THSD4: variants seen among roughly 807,000 people sequenced by gnomAD.
The protein encoded by THSD4 is thrombospondin type-1 domain-containing protein 4.
A neutral mutation model predicts 119.0 loss-of-function variants in THSD4; 69 were observed. The ratio of observed to expected loss-of-function variants is 0.58; its 90% CI spans 0.48 to 0.71. The LOEUF (loss-of-function observed/expected upper bound fraction) is 0.71. Ranked by LOEUF, THSD4 falls within the 30% of genes least tolerant of loss-of-function variation. THSD4 has a pLI of 0.00. For missense variants in THSD4, 1,393 were observed against 1,391.1 expected (o/e 1.00, Z -0.02); for synonymous variants, 524 against 540.4 (o/e 0.97, Z 0.42).
intron 3 of THSD4, among the ~76,000 whole-genome samples, chr15:71,195,578 G>A (rs1244942107): frequency 6.6e-6 from 1 of 152,168 alleles, no homozygotes; most frequent in Admixed American, 6.5e-5. Flanking sequence ...CAGTTAAAAA[G>A]GCAGGTTGAG....
chr15:71,402,413 T>C (rs988216504), intron 6 of THSD4, among the ~76,000 whole-genome samples: 1 of 152,156 alleles, frequency 6.6e-6, no homozygotes, highest in East Asian at 1.9e-4. Flanking sequence ...CCATGTGATA[T>C]ACTCCCTTAG....
At chr15:71,337,794 T>G (rs1392880182) in intron 6 of THSD4, among the ~76,000 whole-genome samples, 1 of 151,784 alleles carries the variant, frequency 6.6e-6, no homozygotes, top group Non-Finnish European at 1.5e-5. Flanking sequence ...CCCAGCAGGC[T>G]TGAGTAAAGG....
intron 5 of THSD4, among the ~76,000 whole-genome samples, chr15:71,255,861 G>A (rs191810445): frequency 5.5e-4 from 84 of 152,280 alleles, no homozygotes; most frequent in Non-Finnish European, 9.4e-4. Context: ...GCCTGGCAAA[G>A]GTAAGGGCTC....
intron 8 of THSD4, among the ~76,000 whole-genome samples, chr15:71,724,287 A>ATATATATATATATATATATATATATATAT: frequency 4.0e-4 from 15 of 37,234 alleles, no homozygotes; most frequent in South Asian, 2.0e-3. Context: ...ATATATATAT[A>ATATATATATATATATATATATATATATAT]TTTTTTTTTT....
chr15:71,660,793 C>A, intron 8 of THSD4, 59 bp downstream of exon 8: 1 of 1,589,350 alleles, frequency 6.3e-7, no homozygotes, highest in South Asian at 1.1e-5. Flanking sequence ...TGTATTCCTT[C>A]AGAACTGTGA....
chr15:71,684,747 AC>A (rs1296582738), intron 8 of THSD4, among the ~76,000 whole-genome samples: 1 of 151,544 alleles, frequency 6.6e-6, no homozygotes, highest in Admixed American at 6.6e-5. Context: ...ATTTTGTGCT[AC>A]CTCTCTGAGG....
In THSD4 at chr15:71,621,092, G is replaced by C. The variant is rs77601533; in HGVS notation, c.1153-39438G>C. 1.0e-2 allele frequency among the ~76,000 whole-genome samples: 1,516 copies of C among 152,156 alleles called. 32 individuals carry two copies. Among genetic ancestry groups the C allele is most frequent in the African/African-American group, 0.035 (1,435 of 41,470 alleles). On this transcript the variant is annotated intron_variant, in intron 7 of 17. Transcript: ENST00000261862. ...TATAATTATACACCCAAAGTACCAT[G>C]GATTATCAATTCTAAAATGCACAAT...
chr15:71,397,883 G>A (rs897182032), intron 6 of THSD4, among the ~76,000 whole-genome samples: 3 of 152,124 alleles, frequency 2.0e-5, no homozygotes, highest in Non-Finnish European at 2.9e-5. Context: ...ACAGTACTTG[G>A]TACAATGCAA....
intron 8 of THSD4, among the ~76,000 whole-genome samples, chr15:71,672,537 G>A (rs1473293612): frequency 3.3e-5 from 5 of 152,306 alleles, no homozygotes; most frequent in African/African-American, 7.2e-5. Context: ...GAATAGGAGT[G>A]GTGAGAGAGG....
chr15:71,648,644 G>A (rs1359133510), intron 7 of THSD4, among the ~76,000 whole-genome samples: 2 of 152,188 alleles, frequency 1.3e-5, no homozygotes. Context: ...CAGTTTACCT[G>A]TTACAGCTCT....
chr15:71,361,767 A>G (rs942872530), intron 6 of THSD4, among the ~76,000 whole-genome samples: 1 of 152,208 alleles, frequency 6.6e-6, no homozygotes, highest in Non-Finnish European at 1.5e-5. Flanking sequence ...AAACGGGTCA[A>G]ACAAATTATA....
intron 7 of THSD4, among the ~76,000 whole-genome samples, chr15:71,475,863 G>A (rs1335076793): frequency 6.6e-6 from 1 of 152,128 alleles, no homozygotes; most frequent in African/African-American, 2.4e-5. Flanking sequence ...GAAGTTCAAG[G>A]TTTTAGTAAG....
intron 8 of THSD4, among the ~76,000 whole-genome samples, chr15:71,708,982 G>A (rs143484463): frequency 1.1e-3 from 170 of 152,312 alleles, no homozygotes; most frequent in African/African-American, 3.9e-3. Flanking sequence ...CTGCTGTGAG[G>A]TCCCGTCCCT....
intron 4 of THSD4, among the ~76,000 whole-genome samples, chr15:71,236,754 C>T (rs1371553870): frequency 6.6e-6 from 1 of 152,104 alleles, no homozygotes; most frequent in Non-Finnish European, 1.5e-5. Context: ...CCTGAAGGAG[C>T]CTGCAGCCTG....
intron 7 of THSD4, among the ~76,000 whole-genome samples, chr15:71,627,069 T>C (rs1042500871): frequency 6.7e-5 from 9 of 134,540 alleles, no homozygotes; most frequent in African/African-American, 2.6e-4. Context: ...TCTTTTGTGT[T>C]GGTTTTGACA....
chr15:71,340,603 C>CTTTTTT (rs780712768), intron 6 of THSD4, among the ~76,000 whole-genome samples: 1 of 115,230 alleles, frequency 8.7e-6, no homozygotes, highest in African/African-American at 3.4e-5. Flanking sequence ...CATCCAGAGA[C>CTTTTTT]TTTTTTTTTT....
intron 6 of THSD4, among the ~76,000 whole-genome samples, chr15:71,260,048 G>A (rs1019999816): frequency 3.9e-5 from 6 of 152,132 alleles, no homozygotes; most frequent in Non-Finnish European, 7.4e-5. Flanking sequence ...CCTTTTCTGC[G>A]TGGTCTGAGG....
chr15:71,329,843 G>C (rs1429764001), intron 6 of THSD4, among the ~76,000 whole-genome samples: 1 of 152,184 alleles, frequency 6.6e-6, no homozygotes, highest in Admixed American at 6.5e-5. Context: ...CACTTTAGGA[G>C]GCCAAGGTGG....
At chr15:71,640,567 A>G (rs1489076454) in intron 7 of THSD4, among the ~76,000 whole-genome samples, 2 of 152,200 alleles carry the variant, frequency 1.3e-5, no homozygotes, top group Non-Finnish European at 2.9e-5. Context: ...GAGAGCAGGA[A>G]GGACAGCATG....
Sources: gnomAD v4.1 joint callset for allele counts (sites outside exome capture counted in the v4.1 genomes callset) on GRCh38, gnomAD v4.1.1 for gene constraint, MANE v1.5 for transcripts, NCBI Gene and HGNC (gene_info 2026-07-23, HGNC 2026-07-21) for gene names.